CFAP61: variants seen among roughly 807,000 people sequenced by gnomAD.
CFAP61 encodes cilia and flagella associated protein 61.
In CFAP61, 107 loss-of-function variants were observed where a neutral mutation model predicts 135.6. The ratio of observed to expected loss-of-function variants is 0.79; its 90% CI spans 0.67 to 0.93. The LOEUF (loss-of-function observed/expected upper bound fraction) is 0.93. Among genes scored for constraint, CFAP61 ranks in the 40% least tolerant of loss-of-function variants. The pLI is 0.00. For missense variants in CFAP61, 1,507 were observed against 1,556.2 expected (o/e 0.97, Z 0.53); for synonymous variants, 575 against 578.5 (o/e 0.99, Z 0.09).
At chr20:20,295,316 C>T (rs1467232838) in intron 24 of CFAP61, among the ~76,000 whole-genome samples, 2 of 152,098 alleles carry the variant, frequency 1.3e-5, no homozygotes, top group Non-Finnish European at 2.9e-5. Flanking sequence ...AGGTGTGCCC[C>T]CTTGACACCT....
At chr20:20,269,184 C>CATATATACATGTATGTATATAT (rs1569219557) in intron 21 of CFAP61, among the ~76,000 whole-genome samples, 2,919 of 84,032 alleles carry the variant, frequency 0.035, 223 homozygotes, top group Non-Finnish European at 0.054. Context: ...TGTATATACA[C>CATATATACATGTATGTATATAT]ACACATATAT....
chr20:20,311,933 C>T (rs78249762), intron 25 of CFAP61, among the ~76,000 whole-genome samples: 1,811 of 152,294 alleles, frequency 0.012, 36 homozygotes, highest in African/African-American at 0.042. Flanking sequence ...AAAAGGGACT[C>T]ATCTCAGTAG....
intron 15 of CFAP61, among the ~76,000 whole-genome samples, chr20:20,194,585 A>G (rs2056155103): frequency 6.6e-6 from 1 of 152,244 alleles, no homozygotes; most frequent in South Asian, 2.1e-4. Context: ...TGTCCATGTC[A>G]TGAGTGAAAG....
At chr20:20,278,349 T>A (rs369303275) in intron 22 of CFAP61, among the ~76,000 whole-genome samples, 17 of 152,304 alleles carry the variant, frequency 1.1e-4, no homozygotes, top group African/African-American at 3.6e-4. Flanking sequence ...GAGAGCACTT[T>A]CCTTTCCAGG....
At chr20:20,172,277 T>G in intron 13 of CFAP61, 2 of 984,144 alleles carry the variant, frequency 2.0e-6, no homozygotes, top group Non-Finnish European at 2.4e-6. Flanking sequence ...TGACTTTGCA[T>G]TATGTCTATC....
intron 24 of CFAP61, among the ~76,000 whole-genome samples, chr20:20,295,093 T>TCAGCCTG (rs895503507): frequency 2.0e-5 from 3 of 152,234 alleles, no homozygotes; most frequent in African/African-American, 7.2e-5. Flanking sequence ...CTCACTGCTC[T>TCAGCCTG]CAGCCTGCAG....
At chr20:20,263,584 T>A (rs1286090075) in intron 21 of CFAP61, among the ~76,000 whole-genome samples, 1 of 152,202 alleles carries the variant, frequency 6.6e-6, no homozygotes, top group Non-Finnish European at 1.5e-5. Flanking sequence ...TGAACAGTTC[T>A]TCCCACAAAT....
chr20:20,202,104 A>C (rs554352907), intron 17 of CFAP61, among the ~76,000 whole-genome samples: 1 of 152,024 alleles, frequency 6.6e-6, no homozygotes, highest in Non-Finnish European at 1.5e-5. Flanking sequence ...CCAGGTTGCT[A>C]TGATCCGAAA....
At chr20:20,260,071 T>G (rs2052029943) in intron 20 of CFAP61, among the ~76,000 whole-genome samples, 1 of 152,232 alleles carries the variant, frequency 6.6e-6, no homozygotes. Context: ...TCAGGGCTAG[T>G]GACCTCTCTT....
chr20:20,136,992 G>A (rs1035014499), intron 8 of CFAP61, among the ~76,000 whole-genome samples: 1 of 152,124 alleles, frequency 6.6e-6, no homozygotes, highest in Non-Finnish European at 1.5e-5. Context: ...GTAACATTTT[G>A]GTTCTTGCAG....
intron 8 of CFAP61, among the ~76,000 whole-genome samples, chr20:20,133,091 T>C (rs971093639): frequency 6.6e-6 from 1 of 152,210 alleles, no homozygotes; most frequent in Non-Finnish European, 1.5e-5. Flanking sequence ...TATTCTTTCT[T>C]ACTATCACCA....
intron 8 of CFAP61, 120 bp downstream of exon 8, chr20:20,098,934 T>C (rs552963331): frequency 1.3e-4 from 110 of 866,448 alleles, no homozygotes; most frequent in Non-Finnish European, 1.8e-4. Context: ...CAGTTCCCCT[T>C]AAGGAGTAGT....
intron 13 of CFAP61, among the ~76,000 whole-genome samples, chr20:20,187,614 A>C (rs2055605834): frequency 6.6e-6 from 1 of 152,180 alleles, no homozygotes; most frequent in Non-Finnish European, 1.5e-5. Context: ...TAATTTAAAA[A>C]TTGGAAGGAT....
At chr20:20,190,525 A>G (rs565067495) in intron 14 of CFAP61, among the ~76,000 whole-genome samples, 3 of 152,142 alleles carry the variant, frequency 2.0e-5, no homozygotes, top group Non-Finnish European at 4.4e-5. Flanking sequence ...CAATATTCTG[A>G]CTATAGTGGT....
At chr20:20,224,424 C>T (rs868208739) in intron 17 of CFAP61, among the ~76,000 whole-genome samples, 1 of 152,152 alleles carries the variant, frequency 6.6e-6, no homozygotes, top group Non-Finnish European at 1.5e-5. Context: ...TCCTTCCTTT[C>T]CTACCTAAGC....
At chr20:20,288,544 C>T in intron 22 of CFAP61, 65 bp from the exon 23 acceptor site, 1 of 1,290,686 alleles carries the variant, frequency 7.7e-7, no homozygotes. Context: ...GGAGACTAGT[C>T]ACACTTTTGG....
At chr20:20,114,612 A>G (rs1568933578) in intron 8 of CFAP61, among the ~76,000 whole-genome samples, 1 of 152,110 alleles carries the variant, frequency 6.6e-6, no homozygotes, top group Non-Finnish European at 1.5e-5. Context: ...GCTTTTGTAT[A>G]TTGATTGACC....
chr20:20,116,684 C>T (rs2049167035), intron 8 of CFAP61, among the ~76,000 whole-genome samples: 1 of 152,126 alleles, frequency 6.6e-6, no homozygotes, highest in Non-Finnish European at 1.5e-5. Context: ...ATCTATCAAA[C>T]ACTGGGTCAT....
At chr20:20,333,365 C>T (rs949681627) in intron 25 of CFAP61, among the ~76,000 whole-genome samples, 1 of 152,162 alleles carries the variant, frequency 6.6e-6, no homozygotes, top group Non-Finnish European at 1.5e-5. Context: ...GAGAGACTAA[C>T]GCTAACTAGC....
Sources: allele counts gnomAD v4.1 joint callset (sites outside exome capture counted in the v4.1 genomes callset), GRCh38; gene constraint gnomAD v4.1.1; transcripts MANE v1.5; gene names NCBI Gene and HGNC (gene_info 2026-07-23, HGNC 2026-07-21).